IKZF3: variants seen among roughly 807,000 people sequenced by gnomAD.
The protein encoded by IKZF3 is zinc finger protein Aiolos.
IKZF3 carries 10 observed loss-of-function variants against 49.0 expected under a neutral mutation model. The ratio of observed to expected loss-of-function variants is 0.20; its 90% CI spans 0.13 to 0.35. The LOEUF is 0.35. Ranked by LOEUF, IKZF3 falls within the 10% of genes least tolerant of loss-of-function variation. The pLI, the probability that IKZF3 is intolerant of heterozygous loss-of-function variation, is 1.00. For synonymous variants in IKZF3, 209 were observed against 228.2 expected (o/e 0.92, Z 0.76); for missense variants, 498 against 664.8 (o/e 0.75, Z 2.76).
chr17:39,825,389 G>A (rs988271672), intron 3 of IKZF3, among the ~76,000 whole-genome samples: 3 of 152,236 alleles, frequency 2.0e-5, no homozygotes, highest in African/African-American at 7.2e-5. Context: ...AAGCACCAGT[G>A]TTGGTCAGGA....
intron 3 of IKZF3, 59 bp downstream of exon 3, chr17:39,829,328 A>T: frequency 8.3e-7 from 1 of 1,199,230 alleles, no homozygotes; most frequent in Non-Finnish European, 1.2e-6. Flanking sequence ...TTTCTTCTCT[A>T]CACTAAGCCT....
chr17:39,792,567 G>T, intron 4 of IKZF3, 106 bp downstream of exon 4: 1 of 1,180,950 alleles, frequency 8.5e-7, no homozygotes, highest in Non-Finnish European at 1.2e-6. Flanking sequence ...CAGCATTATA[G>T]CAAAAATCAA....
chr17:39,853,202 C>T (rs1329305269), intron 1 of IKZF3, among the ~76,000 whole-genome samples: 2 of 152,094 alleles, frequency 1.3e-5, no homozygotes, highest in Non-Finnish European at 2.9e-5. Flanking sequence ...TCCATAAGGG[C>T]CAAAGCTTTG....
At chr17:39,836,231 C>T (rs1488001080) in intron 1 of IKZF3, among the ~76,000 whole-genome samples, 2 of 152,190 alleles carry the variant, frequency 1.3e-5, no homozygotes, top group African/African-American at 2.4e-5. Context: ...ACCACCAGCT[C>T]GGCCATAGCC....
At chr17:39,832,762 T>C (rs2062149997) in intron 1 of IKZF3, among the ~76,000 whole-genome samples, 1 of 152,014 alleles carries the variant, frequency 6.6e-6, no homozygotes, top group Non-Finnish European at 1.5e-5. Context: ...AGTTAATGGG[T>C]AAAACATATA....
At chr17:39,768,823 C>A (rs944440280) in intron 7 of IKZF3, among the ~76,000 whole-genome samples, 1 of 151,854 alleles carries the variant, frequency 6.6e-6, no homozygotes, top group Non-Finnish European at 1.5e-5. Context: ...AAACGGAAAA[C>A]CAGAATCACT....
chr17:39,863,092 T>A (rs1198037261), intron 1 of IKZF3, among the ~76,000 whole-genome samples: 1 of 152,158 alleles, frequency 6.6e-6, no homozygotes, highest in African/African-American at 2.4e-5. Context: ...ACAGCCCAAC[T>A]TTTTTTCCTT....
chr17:39,789,361 G>A (rs962584825), intron 5 of IKZF3, among the ~76,000 whole-genome samples: 3 of 152,140 alleles, frequency 2.0e-5, no homozygotes, highest in Non-Finnish European at 4.4e-5. Flanking sequence ...TGAGGAGTTC[G>A]AGACCAGCCT....
At chr17:39,793,775 G>A (rs1303053165) in intron 3 of IKZF3, among the ~76,000 whole-genome samples, 2 of 152,136 alleles carry the variant, frequency 1.3e-5, no homozygotes, top group Non-Finnish European at 1.5e-5. Context: ...ACTATCTTAA[G>A]AACTGCAATG....
At chr17:39,824,970 C>T (rs779960438) in intron 3 of IKZF3, among the ~76,000 whole-genome samples, 9 of 152,170 alleles carry the variant, frequency 5.9e-5, no homozygotes, top group East Asian at 1.9e-4. Flanking sequence ...GCTGGGATTA[C>T]GGGTGTGAGC....
rs1221612353 is a variant in IKZF3, at chr17:39,829,494, A to G, written c.62-6T>C. 1 of 1,597,584 alleles carries G rather than the reference A, an allele frequency of 6.3e-7. No individual in the cohort carries two copies. Among genetic ancestry groups the G allele is most frequent in the South Asian group, 1.1e-5 (1 of 90,726 alleles). On this transcript the variant is annotated splice_region_variant and splice_polypyrimidine_tract_variant and intron_variant, in intron 2 of 7. Transcript: ENST00000346872. The stretch of plus-strand genomic sequence containing the variant: ...ATTCAAAACCGCTGCACTTTCTAAA[A>G]GATAAAAGGAATTTTAAGTATGTGG...
At chr17:39,809,447 A>G (rs755398358) in intron 3 of IKZF3, among the ~76,000 whole-genome samples, 1 of 152,260 alleles carries the variant, frequency 6.6e-6, no homozygotes, top group Non-Finnish European at 1.5e-5. Flanking sequence ...GGGCTGGATT[A>G]CCAGGGTGCT....
Position 39,792,655 on chromosome 17 carries a change from A to T in IKZF3, c.424+18T>A. 6.2e-7 allele frequency: 1 copy of T among 1,600,830 alleles called. No individual in the cohort carries two copies. On this transcript the variant is annotated intron_variant, in intron 4 of 7. Transcript: ENST00000346872. Reference sequence around the variant, plus strand: ...ATTAGGAGAGTTTTCAGAAGAATGAAAAAAGCAGACTATTTACCAGTATGG... The same window carrying T: ...ATTAGGAGAGTTTTCAGAAGAATGATAAAAGCAGACTATTTACCAGTATGG...
intron 3 of IKZF3, among the ~76,000 whole-genome samples, chr17:39,798,545 T>A (rs34516015): frequency 0.056 from 8,422 of 150,580 alleles, 364 homozygotes; most frequent in African/African-American, 0.12. Context: ...TTTCTCTGTC[T>A]CTCAGGCTGG....
intron 3 of IKZF3, among the ~76,000 whole-genome samples, chr17:39,799,434 C>G (rs527523428): frequency 6.6e-6 from 1 of 152,326 alleles, no homozygotes; most frequent in South Asian, 2.1e-4. Context: ...ATGAGGTATT[C>G]AAGCACCTGT....
chr17:39,850,443 G>C (rs1238128933), intron 1 of IKZF3, among the ~76,000 whole-genome samples: 1 of 121,654 alleles, frequency 8.2e-6, no homozygotes, highest in Non-Finnish European at 1.6e-5. Context: ...ATAATATATA[G>C]TATAAATATA....
At chr17:39,781,282 A>T (rs1011904126) in intron 6 of IKZF3, among the ~76,000 whole-genome samples, 18 of 152,186 alleles carry the variant, frequency 1.2e-4, no homozygotes, top group Non-Finnish European at 2.1e-4. Context: ...ATTTGCAGTA[A>T]GTTCCTGGGG....
chr17:39,853,671 A>G (rs531833624), intron 1 of IKZF3, among the ~76,000 whole-genome samples: 32 of 152,136 alleles, frequency 2.1e-4, no homozygotes, highest in African/African-American at 7.2e-4. Context: ...CTCTGTCTCT[A>G]CTAAAAATAC....
At position 39,783,154 on chromosome 17, in the gene IKZF3, A is replaced by G. The variant is rs143183441; in HGVS notation, c.709+5104T>C. 3.0e-3 allele frequency among the ~76,000 whole-genome samples: 458 copies of G among 152,284 alleles called. 2 individuals carry two copies. The highest frequency in any genetic ancestry group is 5.2e-3 in the Non-Finnish European group (353 of 68,012). The stretch of plus-strand genomic sequence containing the variant: ...AGAGGTATTGCTTCCTGTCTCTTCT[A>G]TGGTGTAGTCAGTCAGTAACTAATG... On this transcript the variant is annotated intron_variant, in intron 6 of 7. Coordinates refer to ENST00000346872, the MANE Select transcript of IKZF3 (RefSeq NM_012481.5).
Sources: allele counts gnomAD v4.1 joint callset (sites outside exome capture counted in the v4.1 genomes callset), GRCh38; gene constraint gnomAD v4.1.1; transcripts MANE v1.5; gene names NCBI Gene and HGNC (gene_info 2026-07-23, HGNC 2026-07-21).